The following ITFG1 variants were observed in gnomAD, a reference collection of about 807,000 sequenced individuals.
The protein encoded by ITFG1 is T-cell immunomodulatory protein.
Under a neutral mutation model 81.8 loss-of-function variants are expected in ITFG1, and 34 were observed. That is an observed-to-expected ratio of 0.42 (90% CI 0.32 to 0.55). The LOEUF (loss-of-function observed/expected upper bound fraction) is 0.55, where lower values mean the gene tolerates loss of function less well. Ranked by LOEUF, ITFG1 falls within the 20% of genes least tolerant of loss-of-function variation. The probability of loss-of-function intolerance (pLI) is 0.17; values close to 1 mark genes in which losing one functional copy is unlikely to be tolerated. For missense variants in ITFG1, 672 were observed against 755.4 expected (o/e 0.89, Z 1.29); for synonymous variants, 285 against 270.6 (o/e 1.05, Z -0.52).
chr16:47,245,036 T>C (rs925268119), intron 12 of ITFG1, among the ~76,000 whole-genome samples: 4 of 152,268 alleles, frequency 2.6e-5, no homozygotes, highest in African/African-American at 4.8e-5. Context: ...CTAATACACA[T>C]ACATACTTCC....
intron 12 of ITFG1, among the ~76,000 whole-genome samples, chr16:47,242,596 T>C (rs1313434482): frequency 1.3e-5 from 2 of 152,154 alleles, no homozygotes; most frequent in Non-Finnish European, 2.9e-5. Flanking sequence ...ACTTCATTCA[T>C]TATAAGAACA....
chr16:47,189,993 A>G (rs1965272775), intron 14 of ITFG1, among the ~76,000 whole-genome samples: 1 of 152,106 alleles, frequency 6.6e-6, no homozygotes, highest in African/African-American at 2.4e-5. Flanking sequence ...TAGGGTGGTA[A>G]ACTTTTCTGA....
intron 14 of ITFG1, among the ~76,000 whole-genome samples, chr16:47,175,398 CAAG>C (rs1965012559): frequency 6.6e-6 from 1 of 150,856 alleles, no homozygotes; most frequent in Non-Finnish European, 1.5e-5. Flanking sequence ...ATTAAATAAA[CAAG>C]AAAAGTGAAG....
intron 10 of ITFG1, among the ~76,000 whole-genome samples, chr16:47,294,179 C>G (rs2151556288): frequency 6.6e-6 from 1 of 152,114 alleles, no homozygotes; most frequent in South Asian, 2.1e-4. Flanking sequence ...AGACTTTTGG[C>G]TTTATTTCTG....
intron 5 of ITFG1, among the ~76,000 whole-genome samples, chr16:47,435,533 C>T (rs1200892097): frequency 6.6e-6 from 1 of 152,180 alleles, no homozygotes; most frequent in East Asian, 1.9e-4. Context: ...ATGAATTTGT[C>T]AAAGAATGAA....
chr16:47,415,089 C>T lies in ITFG1; in HGVS notation c.655+13715G>A, dbSNP rs187306280. On this transcript the variant is annotated intron_variant, in intron 6 of 17. Coordinates refer to ENST00000320640, the MANE Select transcript of ITFG1 (RefSeq NM_030790.5). ...GAATATCAAGGGATATTAATGTTCC[C>T]ATGTGTCTGCAGTTTCAACCATAAA... Among the ~76,000 whole-genome samples, 9 of 152,282 alleles carry T rather than the reference C, an allele frequency of 5.9e-5. 1 individual carries two copies. In the Middle Eastern group the frequency reaches 0.01, roughly 173 times the overall value.
intron 2 of ITFG1, among the ~76,000 whole-genome samples, chr16:47,456,657 A>C: frequency 6.7e-6 from 1 of 149,500 alleles, no homozygotes; most frequent in Non-Finnish European, 1.5e-5. Context: ...GTGCCACTGC[A>C]CTCCAGCCTG....
intron 6 of ITFG1, among the ~76,000 whole-genome samples, chr16:47,404,762 T>C (rs1335092039): frequency 6.6e-6 from 1 of 152,162 alleles, no homozygotes; most frequent in Non-Finnish European, 1.5e-5. Flanking sequence ...TGTTAATATG[T>C]TTAAGCTTTA....
chr16:47,376,616 T>C (rs1968327838), intron 6 of ITFG1, among the ~76,000 whole-genome samples: 1 of 152,198 alleles, frequency 6.6e-6, no homozygotes, highest in Non-Finnish European at 1.5e-5. Context: ...CAATTTTACT[T>C]AGTGAATATA....
chr16:47,211,185 G>A (rs73538974), intron 14 of ITFG1, among the ~76,000 whole-genome samples: 1 of 152,012 alleles, frequency 6.6e-6, no homozygotes, highest in Non-Finnish European at 1.5e-5. Flanking sequence ...TTATTTAGAC[G>A]ACTGATTTCT....
intron 10 of ITFG1, among the ~76,000 whole-genome samples, chr16:47,268,719 C>T (rs1234345532): frequency 1.3e-5 from 2 of 152,196 alleles, no homozygotes; most frequent in Non-Finnish European, 2.9e-5. Context: ...GCCAATCACA[C>T]AGAGAGGACA....
At chr16:47,201,185 A>C (rs941340060) in intron 14 of ITFG1, among the ~76,000 whole-genome samples, 1 of 152,014 alleles carries the variant, frequency 6.6e-6, no homozygotes, top group Non-Finnish European at 1.5e-5. Context: ...AGAAGAAAGA[A>C]TCTGAATTTA....
intron 14 of ITFG1, among the ~76,000 whole-genome samples, chr16:47,203,945 A>G (rs1258579803): frequency 6.6e-6 from 1 of 152,198 alleles, no homozygotes; most frequent in Non-Finnish European, 1.5e-5. Context: ...TGCTCTGGAG[A>G]GTAATGATGG....
chr16:47,391,548 C>T (rs141995156), intron 6 of ITFG1, among the ~76,000 whole-genome samples: 5 of 152,170 alleles, frequency 3.3e-5, no homozygotes, highest in African/African-American at 7.2e-5. Context: ...ATCTCTGAGA[C>T]GTTTTAAATT....
chr16:47,414,985 T>C (rs766833046), intron 6 of ITFG1, among the ~76,000 whole-genome samples: 12 of 152,332 alleles, frequency 7.9e-5, no homozygotes, highest in South Asian at 2.1e-4. Flanking sequence ...TAGGGACAAA[T>C]TGAAACTGGG....
intron 14 of ITFG1, among the ~76,000 whole-genome samples, chr16:47,190,604 C>T (rs567075278): frequency 6.6e-6 from 1 of 152,304 alleles, no homozygotes; most frequent in East Asian, 1.9e-4. Flanking sequence ...ATGTTTCTAT[C>T]CCTTTCCTAT....
intron 8 of ITFG1, among the ~76,000 whole-genome samples, chr16:47,355,606 G>A (rs1017916036): frequency 4.6e-5 from 7 of 152,126 alleles, no homozygotes; most frequent in African/African-American, 1.7e-4. Flanking sequence ...GTTACACAAT[G>A]TATACATGTA....
At chr16:47,459,007 A>G (rs1969486891) in intron 2 of ITFG1, 96 bp downstream of exon 2, 4 of 782,812 alleles carry the variant, frequency 5.1e-6, no homozygotes, top group Admixed American at 4.1e-5. Flanking sequence ...GCATCCCAAC[A>G]CTAAGGCTGA....
chr16:47,176,951 T>G (rs1965034091), intron 14 of ITFG1, among the ~76,000 whole-genome samples: 1 of 151,046 alleles, frequency 6.6e-6, no homozygotes, highest in Admixed American at 6.6e-5. Context: ...CATCTTCTTC[T>G]TCTTTTTTTT....
Sources: allele counts gnomAD v4.1 joint callset (sites outside exome capture counted in the v4.1 genomes callset), GRCh38; gene constraint gnomAD v4.1.1; transcripts MANE v1.5; gene names NCBI Gene and HGNC (gene_info 2026-07-23, HGNC 2026-07-21).